HAP1: variants seen among roughly 807,000 people sequenced by gnomAD.
HAP1 encodes huntingtin-associated protein 1.
In HAP1, 59 loss-of-function variants were observed where a neutral mutation model predicts 60.3. That is an observed-to-expected ratio of 0.98 (90% CI 0.79 to 1.22). The LOEUF is 1.22. Ranked by LOEUF, HAP1 falls within the 50% of genes most tolerant of loss-of-function variation. The pLI, the probability that HAP1 is intolerant of heterozygous loss-of-function variation, is 0.00. For missense variants in HAP1, 825 were observed against 785.3 expected, an observed-to-expected ratio of 1.05 and a Z score of -0.60; for synonymous variants, 346 against 330.6, an observed-to-expected ratio of 1.05 and a Z score of -0.50.
Position 41,731,658 on chromosome 17 carries a change from TCTC to T in HAP1, c.979_981del (p.Glu327del), listed in dbSNP as rs781983637. The T allele has an allele frequency of 2.5e-6, 4 of 1,613,784 alleles. No individual in the cohort carries two copies. Among genetic ancestry groups the T allele is most frequent in the Non-Finnish European group, 1.7e-6 (2 of 1,179,730 alleles). On this transcript the variant is annotated inframe_deletion, in exon 5 of 11. Transcript: ENST00000347901. ...CTCACCTCTTCTCTCAGCTGATGATTCTCCTCCTCCAGCAGCCTCAGCTTCTCC... is the reference window on the plus strand; with the variant it reads ...CTCACCTCTTCTCTCAGCTGATGATTCTCCTCCAGCAGCCTCAGCTTCTCC...
chr17:41,727,204 C>T (rs941347237), intron 8 of HAP1, 60 bp from the exon 9 acceptor site: 3 of 907,002 alleles, frequency 3.3e-6, no homozygotes, highest in Non-Finnish European at 5.6e-6. Context: ...CCCATAGGCT[C>T]AGGCACAGAA....
Position 41,723,511 on chromosome 17 carries a change from CTGCAGG to C in HAP1, c.*1184_*1189del, listed in dbSNP as rs1269916967. 1.2e-4 allele frequency: 19 copies of C among 152,936 alleles called. No homozygotes were observed. Among genetic ancestry groups the C allele is most frequent in the African/African-American group, 4.1e-4 (17 of 41,550 alleles). The allele number at this position is 152,936 out of a possible 1,614,324, so 9.5% of individuals were successfully genotyped here. A position where few individuals can be genotyped will look rare whatever the true frequency, so the allele number is the denominator to read the frequency against. On this transcript the variant is annotated 3_prime_UTR_variant, in exon 11 of 11. Coordinates refer to ENST00000347901, the MANE Select transcript of HAP1 (RefSeq NM_177977.3). ...GGGCCTCAAGCTGTCTGTGGGGCCT[CTGCAGG>C]CTGCTGGGGAACAGCAAAGCCTGGA...
At position 41,733,028 on chromosome 17, in the gene HAP1, GTTTTTTTTGGTTTTTT is replaced by G. The variant is rs1214793961; in HGVS notation, c.470-246_470-231del. The stretch of plus-strand genomic sequence containing the variant: ...GTGGACAGGGTTTTTAGGTTTTTGG[GTTTTTTTTGGTTTTTT>G]TTTTTTTTGGTTTTTTTTTTTTTTT... On this transcript the variant is annotated intron_variant, in intron 1 of 10. Coordinates refer to ENST00000347901, the MANE Select transcript of HAP1 (RefSeq NM_177977.3). Among the ~76,000 whole-genome samples the G allele has an allele frequency of 1.9e-3, 106 of 56,196 alleles. 4 individuals are homozygous for G. The highest frequency in any genetic ancestry group is 6.4e-3 in the African/African-American group (95 of 14,788). The allele number at this position is 56,196 out of a possible 152,430, so 36.9% of individuals were successfully genotyped here.
chr17:41,728,753 G>C (rs1911887287), intron 6 of HAP1, among the ~76,000 whole-genome samples: 1 of 152,110 alleles, frequency 6.6e-6, no homozygotes, highest in Admixed American at 6.6e-5. Flanking sequence ...GGCAAAGAAG[G>C]AAAAACATGG....
intron 7 of HAP1, 141 bp from the exon 8 acceptor site, chr17:41,727,977 G>A (rs1381649447): frequency 5.7e-6 from 4 of 697,894 alleles, no homozygotes; most frequent in Non-Finnish European, 9.8e-6. Flanking sequence ...GGAGGGCAAA[G>A]AAGGCAGGGG....
In HAP1 at chr17:41,725,913, G is replaced by A. The variant is rs782269375; in HGVS notation, c.1368-16C>T. 8.4e-5 allele frequency: 134 copies of A among 1,604,502 alleles called. No individual in the cohort carries two copies. Among genetic ancestry groups the A allele is most frequent in the Non-Finnish European group, 1.1e-4 (130 of 1,171,284 alleles). ...CTCATAATTCCTTCAAAGAGAAAAG[G>A]ACCTTCATTATGAGACAATGGAAGC... On this transcript the variant is annotated splice_polypyrimidine_tract_variant and intron_variant, in intron 9 of 10. Coordinates refer to ENST00000347901, the MANE Select transcript of HAP1 (RefSeq NM_177977.3).
intron 6 of HAP1, among the ~76,000 whole-genome samples, chr17:41,729,371 G>A (rs1911943719): frequency 1.4e-5 from 2 of 146,722 alleles, no homozygotes; most frequent in Non-Finnish European, 3.0e-5. Flanking sequence ...CCAACATGGT[G>A]AAACCCCATC....
intron 9 of HAP1, among the ~76,000 whole-genome samples, chr17:41,726,561 A>G (rs1324055461): frequency 6.3e-5 from 8 of 126,128 alleles, no homozygotes; most frequent in African/African-American, 2.8e-4. Context: ...GACTCGTCTC[A>G]AAAAAAAAAA....
chr17:41,734,154 G>T lies in HAP1; in HGVS notation c.469+12C>A. On this transcript the variant is annotated intron_variant, in intron 1 of 10. Coordinates refer to ENST00000347901, the MANE Select transcript of HAP1 (RefSeq NM_177977.3). ...TCCCCACCCGGTCCAGGACCCCGGG[G>T]GCCCGATTTACCTTCCTCCAGCTCC... The T allele has an allele frequency of 6.4e-7, 1 of 1,563,978 alleles. No homozygotes were observed.
intron 7 of HAP1, 58 bp from the exon 8 acceptor site, chr17:41,727,894 CCT>C: frequency 1.9e-6 from 2 of 1,062,092 alleles, no homozygotes; most frequent in Admixed American, 3.6e-5. Context: ...CAGGGCACCC[CCT>C]GCTTCCAGCA....
At chr17:41,729,231 G>T (rs966953463) in intron 6 of HAP1, among the ~76,000 whole-genome samples, 11 of 150,962 alleles carry the variant, frequency 7.3e-5, no homozygotes, top group African/African-American at 2.2e-4. Context: ...GTGAGCCACT[G>T]CACCCGGCTA....
chr17:41,731,413 G>T (rs1912177187), intron 6 of HAP1, 80 bp downstream of exon 6: 1 of 960,666 alleles, frequency 1.0e-6, no homozygotes, highest in South Asian at 1.3e-5. Flanking sequence ...ACTTGAACTT[G>T]GATCTCCATA....
rs1199589611 is a variant in HAP1 at position 41,729,899 on chromosome 17, C to T, written c.1070-1568G>A. On this transcript the variant is annotated intron_variant, in intron 6 of 10. Transcript: ENST00000347901. ...AAAAAAAAAAAAAAAATTTGCCAGGCGTGATGGCACACACCAGTAGTCCCA... is the reference window on the plus strand; with the variant it reads ...AAAAAAAAAAAAAAAATTTGCCAGGTGTGATGGCACACACCAGTAGTCCCA... 3.6e-5 allele frequency among the ~76,000 whole-genome samples: 5 copies of T among 139,188 alleles called. No homozygotes were observed. The East Asian group carries it at 1.0e-3, about 29-fold the overall frequency. 91.3% of individuals were successfully genotyped at this position (139,188 alleles called of 152,430 possible).
intron 1 of HAP1, among the ~76,000 whole-genome samples, 169 bp from the exon 2 acceptor site, chr17:41,732,967 G>A (rs1455029908): frequency 1.3e-5 from 2 of 150,900 alleles, no homozygotes; most frequent in East Asian, 1.9e-4. Flanking sequence ...CTTACCCCTC[G>A]GCACTCAACA....
Position 41,734,578 on chromosome 17 carries a change from G to C in HAP1, c.57C>G (p.Asp19Glu), listed in dbSNP as rs1912572426. The C allele has an allele frequency of 3.8e-6, 6 of 1,589,836 alleles. No individual in the cohort carries two copies. In the East Asian group the frequency reaches 1.4e-4, roughly 36 times the overall value. Residue 19 changes from aspartate (D) to glutamate (E), a missense_variant, in exon 1 of 11, where the codon GAC (aspartate) becomes GAG (glutamate). Physicochemically the swap from Asp to Glu is conservative, Grantham distance 45. Coordinates refer to ENST00000347901, the MANE Select transcript of HAP1 (RefSeq NM_177977.3). ...CCAGSRLGPG[D>E]PAALTCAPSP... is the part of the protein sequence containing the mutation. Reference sequence around the variant, plus strand: ...AAGGTGCACAGGTGAGTGCTGCTGGGTCCCCGGGTCCGAGCCGGCTCCCCG... The same window carrying C: ...AAGGTGCACAGGTGAGTGCTGCTGGCTCCCCGGGTCCGAGCCGGCTCCCCG...
rs910147261 is a variant in HAP1 at position 41,725,912 on chromosome 17, G to C, written c.1368-15C>G. The stretch of plus-strand genomic sequence containing the variant: ...TCTCATAATTCCTTCAAAGAGAAAA[G>C]GACCTTCATTATGAGACAATGGAAG... On this transcript the variant is annotated splice_polypyrimidine_tract_variant and intron_variant, in intron 9 of 10. Transcript: ENST00000347901. The C allele has an allele frequency of 4.4e-6, 7 of 1,605,280 alleles. No homozygotes were observed. Among genetic ancestry groups the C allele is most frequent in the Non-Finnish European group, 6.0e-6 (7 of 1,171,972 alleles).
rs574759628 is a variant in HAP1 at position 41,726,035 on chromosome 17, C to T, written c.1368-138G>A. 6.0e-4 allele frequency: 405 copies of T among 676,084 alleles called. 2 individuals are homozygous for T. In the African/African-American group the frequency reaches 6.0e-3, roughly 10 times the overall value. The allele number at this position is 676,084 out of a possible 1,614,324, so 41.9% of individuals were successfully genotyped here. A position where few individuals can be genotyped will look rare whatever the true frequency, so the allele number is the denominator to read the frequency against. On this transcript the variant is annotated intron_variant, in intron 9 of 10. Transcript: ENST00000347901. The stretch of plus-strand genomic sequence containing the variant: ...CTGTAATCCCAGCACTTTGGGAGGC[C>T]GAGGTGGGCAGGTCACCTGAGGTCA...
At chr17:41,729,089 C>A (rs911858226) in intron 6 of HAP1, among the ~76,000 whole-genome samples, 1 of 151,554 alleles carries the variant, frequency 6.6e-6, no homozygotes, top group Non-Finnish European at 1.5e-5. Flanking sequence ...TACAGGCATG[C>A]GCCACCACGC....
chr17:41,719,692 C>CAAA (rs71155162), downstream of HAP1, among the ~76,000 whole-genome samples: 2 of 143,020 alleles, frequency 1.4e-5, no homozygotes. Context: ...GACTCTGTCT[C>CAAA]AAAAAAAAAA....
Sources: allele counts gnomAD v4.1 joint callset (sites outside exome capture counted in the v4.1 genomes callset), GRCh38; gene constraint gnomAD v4.1.1; transcripts MANE v1.5; gene names NCBI Gene and HGNC (gene_info 2026-07-23, HGNC 2026-07-21).